Variants in EEF2 observed in about 807,000 individuals in gnomAD.
EEF2 encodes eukaryotic translation elongation factor 2.
In EEF2, 21 loss-of-function variants were observed where a neutral mutation model predicts 85.3. That is an observed-to-expected ratio of 0.25 (90% CI 0.17 to 0.35). The LOEUF (loss-of-function observed/expected upper bound fraction) is 0.35, where lower values mean the gene tolerates loss of function less well. Among genes scored for constraint, EEF2 ranks in the 10% least tolerant of loss-of-function variants. EEF2 has a pLI of 1.00. For missense variants in EEF2, 825 were observed against 1,225.3 expected (o/e 0.67, Z 4.88); for synonymous variants, 723 against 508.8 (o/e 1.42, Z -5.67).
At chr19:3,980,459 G>A in intron 9 of EEF2, 55 bp downstream of exon 9, 2 of 1,552,380 alleles carry the variant, frequency 1.3e-6, no homozygotes, top group Non-Finnish European at 8.7e-7. Flanking sequence ...AAGACTTGGA[G>A]CAGGGCAGGG....
chr19:3,982,241 C>G lies in EEF2; in HGVS notation c.791+5G>C. On this transcript the variant is annotated splice_donor_5th_base_variant and intron_variant, in intron 5 of 14. Transcript: ENST00000309311. ...GAATCCCCCACCATATCCCGCGGGG[C>G]TCACCTGTCACCCCACAGCTTCTTC... 1.2e-6 allele frequency: 2 copies of G among 1,613,820 alleles called. No homozygotes were observed. Among genetic ancestry groups the G allele is most frequent in the South Asian group, 1.1e-5 (1 of 91,066 alleles).
chr19:3,980,844 T>C lies in EEF2; in HGVS notation c.1147A>G (p.Met383Val), dbSNP rs778139893. ...CCCGGCCACCGGGACCACGTACCCA[T>C]GGCAGCCTCGTCGTCCGGGGGCCCC... The part of the protein sequence containing the change: ...YEGPPDDEAA[M>V]GIKSCDPKGP... Residue 383 changes from methionine (M) to valine (V), a missense_variant, in exon 8 of 15, where the codon ATG (methionine) becomes GTG (valine). By Grantham distance (21) the Met-to-Val change is conservative. Transcript: ENST00000309311. 3.2e-6 allele frequency: 5 copies of C among 1,569,642 alleles called. No homozygotes were observed. Among genetic ancestry groups the C allele is most frequent in the African/African-American group, 1.4e-5 (1 of 73,818 alleles).
chr19:3,983,475 C>A (rs2039780782), intron 2 of EEF2, among the ~76,000 whole-genome samples, 184 bp from the exon 3 acceptor site: 3 of 152,114 alleles, frequency 2.0e-5, no homozygotes, highest in Admixed American at 2.0e-4. Flanking sequence ...TGACAGGGAA[C>A]TCCTGGTACC....
chr19:3,977,149 T>G lies in EEF2; in HGVS notation c.2383+66A>C. The G allele has an allele frequency of 6.3e-7, 1 of 1,582,530 alleles. No homozygotes were observed. Reference sequence around the variant, plus strand: ...GCCTCCTTTAACACCTTGCTAAGCTTAACTGGGCTTCTGTCCCCCAAACCA... The same window carrying G: ...GCCTCCTTTAACACCTTGCTAAGCTGAACTGGGCTTCTGTCCCCCAAACCA... On this transcript the variant is annotated intron_variant, in intron 14 of 14. Transcript: ENST00000309311. This position sits in a 1 kb window ranked among gnomAD's most constrained non-coding sequence, Gnocchi z 5.4.
intron 10 of EEF2, 130 bp downstream of exon 10, chr19:3,979,678 G>T: frequency 7.1e-7 from 1 of 1,412,520 alleles, no homozygotes; most frequent in Non-Finnish European, 9.6e-7. Flanking sequence ...TACAGCCACA[G>T]CCAAGAACCC....
intron 11 of EEF2, among the ~76,000 whole-genome samples, chr19:3,979,059 G>A (rs1042019145): frequency 1.3e-5 from 2 of 152,036 alleles, no homozygotes; most frequent in African/African-American, 4.8e-5. Flanking sequence ...TTGAACCCGG[G>A]AGGTGGAGGT....
rs1003866584 is a variant in EEF2, at chr19:3,979,961, G to A, written c.1452C>T (p.Thr484=). The A allele has an allele frequency of 6.2e-7, 1 of 1,613,956 alleles. No individual in the cohort carries two copies. Among genetic ancestry groups the A allele is most frequent in the African/African-American group, 1.3e-5 (1 of 75,080 alleles). Residue 484 remains threonine (T), a synonymous_variant, in exon 10 of 15, where the codon ACC becomes ACT. Coordinates refer to ENST00000309311, the MANE Select transcript of EEF2 (RefSeq NM_001961.4). ...TGTGCGCGTGCTCGAAGGTGGTGAT[G>A]GTGCCCGTCTTCACCAGGAACTGGT... ...GVDQFLVKTG[T]ITTFEHAHNM...
At chr19:3,984,423 AAACGAACCAGCATGCCC>A in intron 1 of EEF2, 73 bp from the exon 2 acceptor site, 1 of 1,519,364 alleles carries the variant, frequency 6.6e-7, no homozygotes, top group South Asian at 1.2e-5. Context: ...CGTTCAGTCC[AAACGAACCAGCATGCCC>A]AAGGCCAGGA....
chr19:3,977,192 G>A lies in EEF2; in HGVS notation c.2383+23C>T, dbSNP rs769691602. On this transcript the variant is annotated intron_variant, in intron 14 of 14. Coordinates refer to ENST00000309311, the MANE Select transcript of EEF2 (RefSeq NM_001961.4). The surrounding 1 kb of genome is among the most constrained non-coding windows in gnomAD (Gnocchi z 5.4). Reference sequence around the variant, plus strand: ...CCAAACCAGCCTGCCAGGCTCTGCAGGCCACACCGGGCAGGCACTCACCAA... The same window carrying A: ...CCAAACCAGCCTGCCAGGCTCTGCAAGCCACACCGGGCAGGCACTCACCAA... 59 of 1,609,910 alleles carry A rather than the reference G, an allele frequency of 3.7e-5. No homozygotes were observed. Among genetic ancestry groups the A allele is most frequent in the Non-Finnish European group, 5.0e-5 (59 of 1,177,742 alleles).
intron 10 of EEF2, 164 bp from the exon 11 acceptor site, chr19:3,979,600 A>G: frequency 2.1e-6 from 2 of 936,218 alleles, no homozygotes; most frequent in Non-Finnish European, 1.6e-6. Flanking sequence ...TAAGTCCCAC[A>G]AGCTACAGTG....
At position 3,984,189 on chromosome 19, in the gene EEF2, G is replaced by GCGTGTCTC; in HGVS notation, c.157_164dup (p.Phe56ArgfsTer34). The GCGTGTCTC allele has an allele frequency of 6.2e-7, 1 of 1,614,098 alleles. No individual in the cohort carries two copies. The highest frequency in any genetic ancestry group is 8.5e-7 in the Non-Finnish European group (1 of 1,180,030). On this transcript the variant is annotated frameshift_variant, in exon 2 of 15. Coordinates refer to ENST00000309311, the MANE Select transcript of EEF2 (RefSeq NM_001961.4). LOFTEE classifies it high-confidence loss of function. ...GCTCGTCCTTCCGGGTATCAGTGAA[G>GCGTGTCTC]CGTGTCTCCCCGGCCCGGGCCGAGG...
In EEF2 at chr19:3,985,419, A is replaced by C; in HGVS notation, c.-39T>G. 3 of 1,479,918 alleles carry C rather than the reference A, an allele frequency of 2.0e-6. No individual in the cohort carries two copies. Among genetic ancestry groups the C allele is most frequent in the Non-Finnish European group, 2.7e-6 (3 of 1,108,426 alleles). 91.7% of individuals were successfully genotyped at this position (1,479,918 alleles called of 1,614,324 possible). ...GGTGGATTCTCCCAGGTAGAACCGA[A>C]AGAAGCGAGTCGCGCCGAGGATGGC... On this transcript the variant is annotated 5_prime_UTR_variant, in exon 1 of 15. Coordinates refer to ENST00000309311, the MANE Select transcript of EEF2 (RefSeq NM_001961.4).
chr19:3,978,303 A>G, intron 11 of EEF2, 131 bp from the exon 12 acceptor site: 1 of 741,082 alleles, frequency 1.3e-6, no homozygotes, highest in Non-Finnish European at 2.0e-6. Flanking sequence ...ATCAGAACGA[A>G]GCGGAGTCAG....
chr19:3,983,621 G>A (rs1044271444), intron 2 of EEF2, among the ~76,000 whole-genome samples: 8 of 152,082 alleles, frequency 5.3e-5, no homozygotes, highest in Admixed American at 2.0e-4. Context: ...CAGAGACTCC[G>A]ACCCTCCCCT....
intron 9 of EEF2, among the ~76,000 whole-genome samples, 199 bp from the exon 10 acceptor site, chr19:3,980,265 T>TG (rs2039728741): frequency 6.6e-6 from 1 of 152,224 alleles, no homozygotes; most frequent in Admixed American, 6.5e-5. Context: ...TCCCTGGGTA[T>TG]GGGTCGACGG....
chr19:3,982,205 C>T (rs1171939327), intron 5 of EEF2, 41 bp downstream of exon 5: 34 of 1,610,190 alleles, frequency 2.1e-5, no homozygotes, highest in East Asian at 1.6e-4. Flanking sequence ...GCCACTACCC[C>T]CAGGTGTCAG....
chr19:3,982,161 C>T lies in EEF2; in HGVS notation c.791+85G>A, dbSNP rs753357851. ...GGCAAGACCTGGTGGGCTTGAGCCA[C>T]GCTGTGAATAGCACACCACGCCCCT... On this transcript the variant is annotated intron_variant, in intron 5 of 14. Coordinates refer to ENST00000309311, the MANE Select transcript of EEF2 (RefSeq NM_001961.4). 5.0e-5 allele frequency: 80 copies of T among 1,598,832 alleles called. No homozygotes were observed. In the East Asian group the frequency reaches 6.3e-4, roughly 12 times the overall value.
chr19:3,981,900 G>A (rs749466425), intron 6 of EEF2, 47 bp downstream of exon 6: 43 of 1,571,266 alleles, frequency 2.7e-5, no homozygotes, highest in Non-Finnish European at 3.4e-5. Flanking sequence ...ACAGGGCCGA[G>A]GGCCAATAGT....
chr19:3,982,180 CGCCCCTACGTCGCT>C, intron 5 of EEF2, 52 bp downstream of exon 5: 1 of 1,602,190 alleles, frequency 6.2e-7, no homozygotes, highest in Non-Finnish European at 8.5e-7. Context: ...TAGCACACCA[CGCCCCTACGTCGCT>C]GCCACTACCC....
Sources: allele counts gnomAD v4.1 joint callset (sites outside exome capture counted in the v4.1 genomes callset), GRCh38; gene constraint gnomAD v4.1.1; non-coding constraint Gnocchi (gnomAD v3.1); transcripts MANE v1.5; gene names NCBI Gene and HGNC (gene_info 2026-07-23, HGNC 2026-07-21).